CTNND2: variants seen among roughly 807,000 people sequenced by gnomAD.
CTNND2 encodes the protein catenin delta 2, also known as catenin delta-2.
Under a neutral mutation model 144.4 loss-of-function variants are expected in CTNND2, and 22 were observed. The observed-to-expected ratio is 0.15, with a 90% CI of 0.11 to 0.22. The LOEUF (loss-of-function observed/expected upper bound fraction) is 0.22, where lower values mean the gene tolerates loss of function less well. Among genes scored for constraint, CTNND2 ranks in the 10% least tolerant of loss-of-function variants. CTNND2 has a pLI of 1.00. For synonymous variants in CTNND2, 751 were observed against 695.6 expected, an observed-to-expected ratio of 1.08 and a Z score of -1.25; for missense variants, 1,353 against 1,618.8, an observed-to-expected ratio of 0.84 and a Z score of 2.82.
intron 2 of CTNND2, among the ~76,000 whole-genome samples, chr5:11,666,273 T>G (rs1783565669): frequency 1.3e-5 from 2 of 152,192 alleles, no homozygotes; most frequent in African/African-American, 4.8e-5. Context: ...TGCACCTTGG[T>G]CTAAGGCTGT....
intron 15 of CTNND2, among the ~76,000 whole-genome samples, chr5:11,097,730 T>A (rs1751492208): frequency 6.6e-6 from 1 of 152,078 alleles, no homozygotes; most frequent in Non-Finnish European, 1.5e-5. Flanking sequence ...TTAACATGGT[T>A]TGGATGAAAA....
intron 12 of CTNND2, among the ~76,000 whole-genome samples, chr5:11,135,825 G>A (rs1353757469): frequency 6.6e-6 from 1 of 152,224 alleles, no homozygotes; most frequent in Non-Finnish European, 1.5e-5. Flanking sequence ...GCAGTGGGCT[G>A]TGGGTTACAT....
rs1160312047 is a variant in CTNND2, at chr5:10,972,896, G to A, written c.*557C>T. The A allele has an allele frequency of 1.3e-5, 2 of 152,518 alleles. No homozygotes were observed. The highest frequency in any genetic ancestry group is 4.8e-5 in the African/African-American group (2 of 41,416). 9.4% of individuals were successfully genotyped at this position (152,518 alleles called of 1,614,324 possible). On this transcript the variant is annotated 3_prime_UTR_variant, in exon 22 of 22. Coordinates refer to ENST00000304623, the MANE Select transcript of CTNND2 (RefSeq NM_001332.4). The stretch of plus-strand genomic sequence containing the variant: ...GAACCATAGATGAGGAAACACGGCG[G>A]CATTGGTGTAATATACACAACGCGC...
At chr5:11,871,584 A>G (rs1735129227) in intron 1 of CTNND2, among the ~76,000 whole-genome samples, 3 of 152,234 alleles carry the variant, frequency 2.0e-5, no homozygotes, top group Non-Finnish European at 4.4e-5. Context: ...AAAGAAGAAA[A>G]GATAATAAAA....
intron 3 of CTNND2, among the ~76,000 whole-genome samples, chr5:11,452,343 G>A (rs1765377623): frequency 6.6e-6 from 1 of 152,172 alleles, no homozygotes; most frequent in Non-Finnish European, 1.5e-5. Flanking sequence ...AAGAGAAAAT[G>A]AGTTGCTATG....
chr5:11,835,804 T>A (rs1055086555), intron 1 of CTNND2, among the ~76,000 whole-genome samples: 1 of 152,190 alleles, frequency 6.6e-6, no homozygotes, highest in Admixed American at 6.5e-5. Context: ...TTTAATTCCA[T>A]TGATTTCTAC....
chr5:11,766,799 C>G (rs1789613973), intron 1 of CTNND2, among the ~76,000 whole-genome samples: 2 of 152,146 alleles, frequency 1.3e-5, no homozygotes, highest in South Asian at 4.1e-4. Context: ...TTCTTATCTC[C>G]TCTCCTCCCT....
intron 2 of CTNND2, among the ~76,000 whole-genome samples, chr5:11,575,594 C>T (rs1290939886): frequency 6.6e-6 from 1 of 152,148 alleles, no homozygotes; most frequent in African/African-American, 2.4e-5. Flanking sequence ...CTTTCTTACT[C>T]AATGCTCTTT....
rs570290362 is a variant in CTNND2, at chr5:11,872,581, T to G, written c.37+31236A>C. Reference sequence around the variant, plus strand: ...ACTTTTTAATGATTGCCATTTTAACTGGCATGAGATGGTATGTCATTATGG... The same window carrying G: ...ACTTTTTAATGATTGCCATTTTAACGGGCATGAGATGGTATGTCATTATGG... On this transcript the variant is annotated intron_variant, in intron 1 of 21. Coordinates refer to ENST00000304623, the MANE Select transcript of CTNND2 (RefSeq NM_001332.4). 2.0e-4 allele frequency among the ~76,000 whole-genome samples: 30 copies of G among 152,318 alleles called. 1 individual carries two copies. In the East Asian group the frequency reaches 5.2e-3, roughly 26 times the overall value.
chr5:11,313,346 G>GT (rs370483424), intron 9 of CTNND2, among the ~76,000 whole-genome samples: 2 of 152,162 alleles, frequency 1.3e-5, no homozygotes, highest in African/African-American at 2.4e-5. Context: ...CAGGGACAAG[G>GT]TTTTTCCAAG....
chr5:11,790,818 G>A (rs760202228), intron 1 of CTNND2, among the ~76,000 whole-genome samples: 1 of 152,198 alleles, frequency 6.6e-6, no homozygotes, highest in East Asian at 1.9e-4. Flanking sequence ...CCATGTGGTA[G>A]GGTCAGGAGC....
intron 3 of CTNND2, among the ~76,000 whole-genome samples, chr5:11,414,275 A>T (rs1761756332): frequency 6.6e-6 from 1 of 152,176 alleles, no homozygotes; most frequent in Non-Finnish European, 1.5e-5. Flanking sequence ...CTCCAAAACC[A>T]TGACAGAATA....
intron 3 of CTNND2, among the ~76,000 whole-genome samples, chr5:11,519,288 A>C (rs1772499689): frequency 6.6e-6 from 1 of 152,190 alleles, no homozygotes; most frequent in Non-Finnish European, 1.5e-5. Context: ...AGTACCATTT[A>C]CCTACTTTAA....
At position 10,973,509 on chromosome 5, in the gene CTNND2, T is replaced by C; in HGVS notation, c.3622A>G (p.Ser1208Gly). 1 of 1,612,470 alleles carries C rather than the reference T, an allele frequency of 6.2e-7. No homozygotes were observed. Among genetic ancestry groups the C allele is most frequent in the Non-Finnish European group, 8.5e-7 (1 of 1,179,148 alleles). ...TGGCTCGTTTCATAGTTCAGTTCAC[T>C]GTAGGGACGGGCAGCTGAGTAGAAG... is the stretch of plus-strand genomic sequence containing the variant. Reference protein sequence around the residue: ...VDFYSAARPYSELNYETSHYP... With the variant: ...VDFYSAARPYGELNYETSHYP... The change falls in exon 22 of 22, where the codon AGT becomes GGT. Residue 1208 changes from serine (S) to glycine (G), a missense_variant. By Grantham distance (56) the Ser-to-Gly change is moderately conservative (BLOSUM62 0). Coordinates refer to ENST00000304623, the MANE Select transcript of CTNND2 (RefSeq NM_001332.4). The surrounding 1 kb of genome is among the most constrained non-coding windows in gnomAD (Gnocchi z 5.6).
At chr5:11,102,873 A>T (rs1398563006) in intron 14 of CTNND2, among the ~76,000 whole-genome samples, 3 of 151,802 alleles carry the variant, frequency 2.0e-5, no homozygotes, top group Non-Finnish European at 2.9e-5. Context: ...GCTGTGCTCA[A>T]TGTGTATGTT....
chr5:11,423,898 G>C (rs1305380805), intron 3 of CTNND2, among the ~76,000 whole-genome samples: 1 of 150,914 alleles, frequency 6.6e-6, no homozygotes, highest in Admixed American at 6.6e-5. Flanking sequence ...TTTTTTTTTT[G>C]CTTTTTTTGA....
intron 2 of CTNND2, among the ~76,000 whole-genome samples, chr5:11,632,405 C>G (rs183068214): frequency 2.4e-3 from 372 of 152,284 alleles, no homozygotes; most frequent in Non-Finnish European, 4.4e-3. Context: ...GGAGTGACAG[C>G]AGAAACTGAA....
chr5:11,519,646 T>G (rs1772534361), intron 3 of CTNND2, among the ~76,000 whole-genome samples: 1 of 152,110 alleles, frequency 6.6e-6, no homozygotes. Flanking sequence ...ATTTCCTTAT[T>G]TATTGGTTTA....
At chr5:11,747,247 G>A (rs1262920736) in intron 1 of CTNND2, among the ~76,000 whole-genome samples, 2 of 152,048 alleles carry the variant, frequency 1.3e-5, no homozygotes, top group Non-Finnish European at 2.9e-5. Context: ...ATAAAGTCTG[G>A]GATTCTAAAA....
Sources: allele counts gnomAD v4.1 joint callset (sites outside exome capture counted in the v4.1 genomes callset), GRCh38; gene constraint gnomAD v4.1.1; non-coding constraint Gnocchi (gnomAD v3.1); transcripts MANE v1.5; gene names NCBI Gene and HGNC (gene_info 2026-07-23, HGNC 2026-07-21).